The following FAM193A variants were observed in gnomAD, a reference collection of about 807,000 sequenced individuals.
FAM193A encodes the protein protein FAM193A.
In FAM193A, 22 loss-of-function variants were observed where a neutral mutation model predicts 126.5. The observed-to-expected ratio is 0.17, with a 90% confidence interval of 0.12 to 0.25. The LOEUF is 0.25. Among genes scored for constraint, FAM193A ranks in the 10% least tolerant of loss-of-function variants. The pLI is 1.00. For synonymous variants in FAM193A, 761 were observed against 646.8 expected (o/e 1.18, Z -2.68); for missense variants, 1,675 against 1,672.8 (o/e 1.00, Z -0.02).
chr4:2,703,467 G>C (rs1042553938), intron 19 of FAM193A, among the ~76,000 whole-genome samples: 2 of 152,156 alleles, frequency 1.3e-5, no homozygotes, highest in African/African-American at 4.8e-5. Flanking sequence ...GATTGGCCTT[G>C]AACTCCTGAC....
rs770854483 is a variant in FAM193A, at chr4:2,690,722, T to C, written c.2555T>C (p.Leu852Pro). ...ISGSEILGPT[L>P]SETRPEALPP... ...GGGAGTGAAATATTAGGGCCAACAC[T>C]CTCAGAAACAAGACCGGAAGCCCTT... Residue 852 changes from leucine to proline, a missense_variant, in exon 15 of 21, where the codon CTC (leucine) becomes CCC (proline). Transcript: ENST00000637812. 1.3e-5 allele frequency: 21 copies of C among 1,613,342 alleles called. No homozygotes were observed. Among genetic ancestry groups the C allele is most frequent in the Non-Finnish European group, 1.8e-5 (21 of 1,179,854 alleles).
chr4:2,690,564 T>G (rs1192394017), intron 14 of FAM193A, 134 bp from the exon 15 acceptor site: 4 of 762,746 alleles, frequency 5.2e-6, no homozygotes, highest in Non-Finnish European at 8.5e-6. Flanking sequence ...GCTAGTTGAC[T>G]TAGTGTCATC....
intron 1 of FAM193A, among the ~76,000 whole-genome samples, chr4:2,570,414 C>T (rs573727935): frequency 6.6e-6 from 1 of 152,288 alleles, no homozygotes; most frequent in South Asian, 2.1e-4. Context: ...TAAATCGCTG[C>T]AGTGAGCTTT....
chr4:2,538,891 TTTTA>T (rs1737053354), intron 1 of FAM193A, among the ~76,000 whole-genome samples: 1 of 151,152 alleles, frequency 6.6e-6, no homozygotes, highest in South Asian at 2.1e-4. Flanking sequence ...ACTTTATTAT[TTTTA>T]TTTATTTTTT....
At chr4:2,619,561 T>A (rs1229121516) in intron 2 of FAM193A, among the ~76,000 whole-genome samples, 7 of 152,050 alleles carry the variant, frequency 4.6e-5, no homozygotes, top group African/African-American at 1.4e-4. Flanking sequence ...AGAGATGGGG[T>A]TTCCTCATGT....
At position 2,622,735 on chromosome 4, in the gene FAM193A, C is replaced by T. The variant is rs117706425; in HGVS notation, c.502-2527C>T. ...CTGGTGCCCTCTCTCTGTCCTCGTG[C>T]GGTGGAAGGATGTGGCAGCTCTCTG... On this transcript the variant is annotated intron_variant, in intron 2 of 20. Transcript: ENST00000637812. 7.6e-4 allele frequency among the ~76,000 whole-genome samples: 115 copies of T among 152,202 alleles called. No individual in the cohort carries two copies. In the East Asian group the frequency reaches 0.019, roughly 25 times the overall value.
intron 13 of FAM193A, among the ~76,000 whole-genome samples, chr4:2,687,463 G>A (rs1481387649): frequency 6.6e-6 from 1 of 152,142 alleles, no homozygotes; most frequent in Non-Finnish European, 1.5e-5. Flanking sequence ...TAGCAAAAGG[G>A]AGAGCTGGCA....
At chr4:2,598,233 T>C (rs558347149) in intron 2 of FAM193A, among the ~76,000 whole-genome samples, 28 of 152,302 alleles carry the variant, frequency 1.8e-4, no homozygotes, top group African/African-American at 6.5e-4. Context: ...TTTTCCAGAG[T>C]GTCACATATA....
intron 19 of FAM193A, among the ~76,000 whole-genome samples, chr4:2,703,014 C>A (rs1717913291): frequency 6.6e-6 from 1 of 151,946 alleles, no homozygotes; most frequent in South Asian, 2.1e-4. Context: ...GGTAACTAAT[C>A]AGTTTCTTAT....
At chr4:2,616,255 T>C (rs946486313) in intron 2 of FAM193A, among the ~76,000 whole-genome samples, 2 of 152,362 alleles carry the variant, frequency 1.3e-5, no homozygotes, top group African/African-American at 4.8e-5. Context: ...TCCCTCTTTG[T>C]TGTTACTAAT....
intron 13 of FAM193A, among the ~76,000 whole-genome samples, chr4:2,679,375 C>CTTTTTTTT (rs796366785): frequency 6.8e-5 from 6 of 87,846 alleles, no homozygotes; most frequent in Non-Finnish European, 1.4e-4. Context: ...AGTTTTCTTT[C>CTTTTTTTT]TTTTTTTTTT....
chr4:2,682,218 T>G (rs1715230250), intron 13 of FAM193A, among the ~76,000 whole-genome samples: 1 of 152,126 alleles, frequency 6.6e-6, no homozygotes, highest in Admixed American at 6.5e-5. Context: ...TCTCCTGACC[T>G]TGTGATCCGC....
At chr4:2,610,520 G>C (rs1741802546) in intron 2 of FAM193A, among the ~76,000 whole-genome samples, 1 of 152,204 alleles carries the variant, frequency 6.6e-6, no homozygotes, top group Non-Finnish European at 1.5e-5. Context: ...CTTACAGAAA[G>C]ATAAGCTGAG....
At chr4:2,669,548 G>A (rs958507818) in intron 12 of FAM193A, among the ~76,000 whole-genome samples, 1 of 152,242 alleles carries the variant, frequency 6.6e-6, no homozygotes, top group Non-Finnish European at 1.5e-5. Context: ...GGCAGAGGTT[G>A]CAGTGAGACA....
chr4:2,554,375 T>C (rs1738132176), intron 1 of FAM193A, among the ~76,000 whole-genome samples: 1 of 152,152 alleles, frequency 6.6e-6, no homozygotes. Flanking sequence ...GAAACCACCG[T>C]GTCCGGCCAC....
intron 7 of FAM193A, among the ~76,000 whole-genome samples, chr4:2,649,612 T>C (rs1745470514): frequency 6.6e-6 from 1 of 151,948 alleles, no homozygotes; most frequent in Admixed American, 6.6e-5. Flanking sequence ...GTTGAGGCTG[T>C]GGTGAGCTAT....
intron 17 of FAM193A, 113 bp downstream of exon 17, chr4:2,695,242 TC>T: frequency 2.4e-6 from 2 of 837,132 alleles, no homozygotes; most frequent in Non-Finnish European, 3.4e-6. Flanking sequence ...CTAGGGTATA[TC>T]CATTGTAAAG....
chr4:2,626,296 T>C, intron 3 of FAM193A, 114 bp from the exon 4 acceptor site: 1 of 627,490 alleles, frequency 1.6e-6, no homozygotes, highest in Non-Finnish European at 2.9e-6. Context: ...GATTGCCGGC[T>C]CCTGGGAGCT....
At chr4:2,728,280 CTT>C (rs1720983998) in intron 20 of FAM193A, among the ~76,000 whole-genome samples, 1 of 116,658 alleles carries the variant, frequency 8.6e-6, no homozygotes, top group Non-Finnish European at 1.7e-5. Context: ...GAAGGCATCT[CTT>C]TATGTTGCCC....
Sources: gnomAD v4.1 joint callset for allele counts (sites outside exome capture counted in the v4.1 genomes callset) on GRCh38, gnomAD v4.1.1 for gene constraint, MANE v1.5 for transcripts, NCBI Gene and HGNC (gene_info 2026-07-23, HGNC 2026-07-21) for gene names.